The following PHF10 variants were observed in gnomAD, a reference collection of about 807,000 sequenced individuals.
The protein encoded by PHF10 is PHD finger protein 10, also known as BRG1-associated factor 45a.
Under a neutral mutation model 68.5 loss-of-function variants are expected in PHF10, and 51 were observed. The observed-to-expected ratio is 0.74, with a 90% CI of 0.59 to 0.94. The LOEUF is 0.94. Among genes scored for constraint, PHF10 ranks in the 40% least tolerant of loss-of-function variants. The pLI is 0.00. For synonymous variants in PHF10, 204 were observed against 203.5 expected (o/e 1.00, Z -0.02); for missense variants, 460 against 602.6 (o/e 0.76, Z 2.48).
In PHF10 at chr6:169,724,034, C is replaced by T. The variant is rs941058788; in HGVS notation, c.-103G>A. On this transcript the variant is annotated 5_prime_UTR_variant, in exon 1 of 12. Transcript: ENST00000339209. ...CCGCCGCCGCCGCCGCGCGGGCCCC[C>T]CGCCGCCCCGGCCCCGCCCCCTCCG... The T allele has an allele frequency of 6.4e-6, 1 of 156,470 alleles. No individual in the cohort carries two copies. The highest frequency in any genetic ancestry group is 2.5e-5 in the African/African-American group (1 of 39,844). 9.7% of individuals were successfully genotyped at this position (156,470 alleles called of 1,614,324 possible). A position where few individuals can be genotyped will look rare whatever the true frequency, so the allele number is the denominator to read the frequency against.
intron 9 of PHF10, chr6:169,709,013 GC>G (rs1788869177): frequency 6.6e-6 from 1 of 151,842 alleles, no homozygotes; most frequent in Non-Finnish European, 1.5e-5. Context: ...GCCTATTGCA[GC>G]CACCCTTGGA....
At chr6:169,714,117 C>CAA (rs113850766) in intron 7 of PHF10, among the ~76,000 whole-genome samples, 2 of 121,064 alleles carry the variant, frequency 1.7e-5, no homozygotes, top group African/African-American at 3.1e-5. Context: ...AAGACTGTCT[C>CAA]AAAAAAAAAA....
At chr6:169,723,385 T>C (rs972646918) in intron 1 of PHF10, among the ~76,000 whole-genome samples, 1 of 152,234 alleles carries the variant, frequency 6.6e-6, no homozygotes, top group African/African-American at 2.4e-5. Context: ...ACTTAGTTAT[T>C]ACAGTAAGTT....
intron 1 of PHF10, among the ~76,000 whole-genome samples, chr6:169,723,077 C>T (rs917882572): frequency 1.3e-5 from 2 of 152,210 alleles, no homozygotes; most frequent in Non-Finnish European, 2.9e-5. Flanking sequence ...GCTTCCCCTG[C>T]CAACGCGCAC....
chr6:169,705,592 T>G lies in PHF10; in HGVS notation c.1222+24A>C, dbSNP rs768369809. On this transcript the variant is annotated intron_variant, in intron 10 of 11. Coordinates refer to ENST00000339209, the MANE Select transcript of PHF10 (RefSeq NM_018288.4). ...ACCAATAAATACGGTGGTTAAAATT[T>G]TAAAAAGACATTTCAATACTTACCA... 13 of 1,181,816 alleles carry G rather than the reference T, an allele frequency of 1.1e-5. No homozygotes were observed. In the Admixed American group the frequency reaches 2.0e-4, roughly 18 times the overall value. The allele number at this position is 1,181,816 out of a possible 1,614,324, so 73.2% of individuals were successfully genotyped here.
rs565377149 is a variant in PHF10, at chr6:169,710,400, T to C, written c.958-9A>G. ...TTGCCAGAGGAGCTGTCCTGGAGTT[T>C]AAAAGGCAAAAACAAAGATTCTTTG... On this transcript the variant is annotated splice_polypyrimidine_tract_variant and intron_variant, in intron 8 of 11. Transcript: ENST00000339209. 22 of 1,603,176 alleles carry C rather than the reference T, an allele frequency of 1.4e-5. No individual in the cohort carries two copies. Among genetic ancestry groups the C allele is most frequent in the Non-Finnish European group, 1.7e-5 (20 of 1,173,356 alleles).
chr6:169,715,017 T>C (rs1789013281), intron 6 of PHF10, among the ~76,000 whole-genome samples, 175 bp from the exon 7 acceptor site: 1 of 152,170 alleles, frequency 6.6e-6, no homozygotes, highest in Non-Finnish European at 1.5e-5. Flanking sequence ...GTTCTATATA[T>C]TATTGTTTTA....
chr6:169,717,638 G>C (rs1789081654), intron 4 of PHF10, 185 bp downstream of exon 4: 1 of 501,972 alleles, frequency 2.0e-6, no homozygotes, highest in African/African-American at 2.0e-5. Context: ...GGAACCACAT[G>C]TGTGTTCAAG....
At chr6:169,719,135 T>C in intron 2 of PHF10, 1 of 392,194 alleles carries the variant, frequency 2.5e-6, no homozygotes, top group Non-Finnish European at 4.6e-6. Context: ...ATAACATCTT[T>C]TATACACTGG....
intron 9 of PHF10, chr6:169,708,490 A>T (rs1157274127): frequency 6.6e-6 from 1 of 152,162 alleles, no homozygotes; most frequent in Non-Finnish European, 1.5e-5. Flanking sequence ...TACTTTTTAT[A>T]AAGAGGTTAA....
At chr6:169,704,129 T>G (rs1345264932) in intron 11 of PHF10, 41 bp from the exon 12 acceptor site, 1 of 1,455,188 alleles carries the variant, frequency 6.9e-7, no homozygotes, top group South Asian at 1.3e-5. Context: ...AAATTATCTT[T>G]ACAGGACTGA....
At chr6:169,706,295 G>C (rs1788781755) in intron 9 of PHF10, among the ~76,000 whole-genome samples, 1 of 150,792 alleles carries the variant, frequency 6.6e-6, no homozygotes, top group African/African-American at 2.5e-5. Flanking sequence ...ATAAACGTTT[G>C]TGGAAAACTT....
chr6:169,707,837 A>T (rs2128329082), intron 9 of PHF10: 2 of 152,328 alleles, frequency 1.3e-5, no homozygotes, highest in South Asian at 4.1e-4. Flanking sequence ...GGGAAACATG[A>T]GAGAAGGGGA....
intron 4 of PHF10, 193 bp downstream of exon 4, chr6:169,717,630 A>T (rs905928957): frequency 1.0e-5 from 5 of 490,056 alleles, no homozygotes; most frequent in Non-Finnish European, 1.8e-5. Flanking sequence ...ATAAGTCAGG[A>T]ACCACATGTG....
At position 169,705,201 on chromosome 6, in the gene PHF10, A is replaced by G. The variant is rs143578587; in HGVS notation, c.1343T>C (p.Met448Thr). 2.5e-6 allele frequency: 4 copies of G among 1,613,672 alleles called. No homozygotes were observed. The highest frequency in any genetic ancestry group is 3.4e-6 in the Non-Finnish European group (4 of 1,179,826). The change falls in exon 11 of 12, where the codon ATG becomes ACG. Residue 448 changes from methionine to threonine, a missense_variant. Met to Thr is a moderately conservative substitution (Grantham distance 81). Transcript: ENST00000339209. ...TCTGTCACACATATCACAGAACATC[A>G]TTTCTTCTTCATGGTGGGGTTGTCC... is the stretch of plus-strand genomic sequence containing the variant. ...ICGQPHHEEE[M>T]MFCDMCDRGY... is the part of the protein sequence containing the mutation.
chr6:169,715,587 C>T, intron 6 of PHF10, 121 bp downstream of exon 6: 1 of 901,398 alleles, frequency 1.1e-6, no homozygotes, highest in Non-Finnish European at 1.7e-6. Flanking sequence ...AACAAACAAA[C>T]AAACAAAAAA....
At chr6:169,722,783 G>A (rs1426429239) in intron 1 of PHF10, among the ~76,000 whole-genome samples, 2 of 152,298 alleles carry the variant, frequency 1.3e-5, no homozygotes, top group Non-Finnish European at 2.9e-5. Context: ...AGAGTTACAG[G>A]TGGTTTCCAA....
Position 169,719,146 on chromosome 6 carries a change from G to A in PHF10, c.195-228C>T, listed in dbSNP as rs1048159604. On this transcript the variant is annotated intron_variant, in intron 2 of 11. Transcript: ENST00000339209. Reference sequence around the variant, plus strand: ...GAAAATAACATCTTTTATACACTGGGAAGAACGTAGAATCACAATTGCTAA... The same window carrying A: ...GAAAATAACATCTTTTATACACTGGAAAGAACGTAGAATCACAATTGCTAA... 18 of 338,742 alleles carry A rather than the reference G, an allele frequency of 5.3e-5. 1 individual carries two copies. The highest frequency in any genetic ancestry group is 3.2e-4 in the African/African-American group (15 of 46,848). The allele number at this position is 338,742 out of a possible 1,614,324, so 21.0% of individuals were successfully genotyped here.
In PHF10 at chr6:169,710,411, A is replaced by C; in HGVS notation, c.958-20T>G. 2 of 1,592,158 alleles carry C rather than the reference A, an allele frequency of 1.3e-6. No individual in the cohort carries two copies. Among genetic ancestry groups the C allele is most frequent in the South Asian group, 1.1e-5 (1 of 88,108 alleles). Reference sequence around the variant, plus strand: ...GCTGTCCTGGAGTTTAAAAGGCAAAAACAAAGATTCTTTGGAATTAAGACA... The same window carrying C: ...GCTGTCCTGGAGTTTAAAAGGCAAACACAAAGATTCTTTGGAATTAAGACA... On this transcript the variant is annotated intron_variant, in intron 8 of 11. Transcript: ENST00000339209.
Sources: allele counts gnomAD v4.1 joint callset (sites outside exome capture counted in the v4.1 genomes callset), GRCh38; gene constraint gnomAD v4.1.1; transcripts MANE v1.5; gene names NCBI Gene and HGNC (gene_info 2026-07-23, HGNC 2026-07-21).